The following DEPDC5 variants were observed in gnomAD, a reference collection of about 807,000 sequenced individuals.
DEPDC5 encodes the protein DEP domain containing 5, GATOR1 subcomplex subunit, also known as GATOR1 complex protein DEPDC5.
A neutral mutation model predicts 217.3 loss-of-function variants in DEPDC5; 73 were observed. That is an observed-to-expected ratio of 0.34 (90% confidence interval 0.28 to 0.41). DEPDC5 has a LOEUF of 0.41. Among genes scored for constraint, DEPDC5 ranks in the 10% least tolerant of loss-of-function variants. The probability of loss-of-function intolerance (pLI) is 1.00; values close to 1 mark genes in which losing one functional copy is unlikely to be tolerated. For missense variants in DEPDC5, 1,675 were observed against 2,070.1 expected, an observed-to-expected ratio of 0.81 and a Z score of 3.70; for synonymous variants, 733 against 756.7, an observed-to-expected ratio of 0.97 and a Z score of 0.51.
chr22:31,893,883 T>A, intron 39 of DEPDC5, 132 bp downstream of exon 39: 2 of 1,045,582 alleles, frequency 1.9e-6, no homozygotes, highest in Non-Finnish European at 2.6e-6. Flanking sequence ...ACTATTGGAG[T>A]AACCTTTTTA....
intron 40 of DEPDC5, among the ~76,000 whole-genome samples, chr22:31,898,987 G>A (rs2093602232): frequency 6.6e-6 from 1 of 152,200 alleles, no homozygotes; most frequent in Non-Finnish European, 1.5e-5. Context: ...GCAGCTCCTG[G>A]TACTATTGTT....
rs774327591 is a variant in DEPDC5, at chr22:31,906,243, T to G, written c.4558T>G (p.Phe1520Val). ...GCAGCTGCCCTACTCCAAGCGCAAG[T>G]TCTCAGGGCAGCAGCGGCGGCGGCG... ...FLQLPYSKRK[F>V]SGQQRRRRNS... The change falls in exon 43 of 43, where the codon TTC becomes GTC. Residue 1520 changes from phenylalanine to valine, a missense_variant. Phe to Val is a conservative substitution (Grantham distance 50). Around this residue, in one of 11 missense-constraint regions of DEPDC5, gnomAD observed 182 missense variants for 290.1 expected, o/e 0.63. Coordinates refer to ENST00000651528, the MANE Select transcript of DEPDC5 (RefSeq NM_001242896.3). This position sits in a 1 kb window ranked among gnomAD's most constrained non-coding sequence, Gnocchi z 5.1. The G allele has an allele frequency of 6.2e-7, 1 of 1,613,828 alleles. No individual in the cohort carries two copies. Among genetic ancestry groups the G allele is most frequent in the Admixed American group, 1.7e-5 (1 of 60,002 alleles).
At chr22:31,805,419 T>C (rs2087395408) in intron 17 of DEPDC5, among the ~76,000 whole-genome samples, 1 of 152,100 alleles carries the variant, frequency 6.6e-6, no homozygotes, top group Non-Finnish European at 1.5e-5. Context: ...TATGAATTCC[T>C]CCTGTGCTGC....
chr22:31,788,325 G>C (rs1248351802), intron 10 of DEPDC5, among the ~76,000 whole-genome samples: 1 of 138,756 alleles, frequency 7.2e-6, no homozygotes, highest in East Asian at 2.1e-4. Flanking sequence ...CCAGGCTAGA[G>C]TGCAGTGGCG....
At chr22:31,833,222 T>A (rs1033961437) in intron 24 of DEPDC5, among the ~76,000 whole-genome samples, 5 of 152,218 alleles carry the variant, frequency 3.3e-5, no homozygotes, top group African/African-American at 1.2e-4. Flanking sequence ...GATAAATATA[T>A]GTTTTGAAAG....
intron 35 of DEPDC5, 99 bp from the exon 36 acceptor site, chr22:31,874,174 A>C: frequency 1.3e-6 from 2 of 1,493,580 alleles, no homozygotes; most frequent in Non-Finnish European, 1.8e-6. Flanking sequence ...TATGGTATTA[A>C]ATGCTCTAGT....
At chr22:31,761,967 C>CAAAAAA (rs776677814) in intron 4 of DEPDC5, among the ~76,000 whole-genome samples, 1 of 61,352 alleles carries the variant, frequency 1.6e-5, no homozygotes, top group Non-Finnish European at 3.8e-5. Context: ...GACTCCGGCT[C>CAAAAAA]AAAAAAAAAA....
intron 3 of DEPDC5, among the ~76,000 whole-genome samples, chr22:31,760,440 G>A (rs1200907969): frequency 5.3e-5 from 8 of 151,128 alleles, no homozygotes; most frequent in African/African-American, 1.7e-4. Flanking sequence ...TCCTGACCTC[G>A]TGGTCCACCT....
intron 3 of DEPDC5, among the ~76,000 whole-genome samples, chr22:31,759,365 T>G (rs549270169): frequency 1.8e-5 from 2 of 111,992 alleles, no homozygotes; most frequent in African/African-American, 6.3e-5. Context: ...GTTTTTTTTG[T>G]TTTTTTTGTT....
intron 38 of DEPDC5, among the ~76,000 whole-genome samples, chr22:31,892,466 C>T (rs1421052231): frequency 2.6e-5 from 4 of 152,032 alleles, no homozygotes; most frequent in East Asian, 1.9e-4. Flanking sequence ...GGTGGAGCAC[C>T]GGCGGTCAGG....
chr22:31,841,947 T>G (rs1259535871), intron 27 of DEPDC5, among the ~76,000 whole-genome samples: 1 of 152,246 alleles, frequency 6.6e-6, no homozygotes, highest in Non-Finnish European at 1.5e-5. Flanking sequence ...GGCTTGGTTG[T>G]TCTTTGAGGC....
chr22:31,837,352 C>G, intron 26 of DEPDC5, 197 bp downstream of exon 26: 1 of 544,510 alleles, frequency 1.8e-6, no homozygotes. Flanking sequence ...TTTTTTTTTC[C>G]TTTTTTTTTT....
chr22:31,822,710 A>G lies in DEPDC5; in HGVS notation c.2024A>G (p.Gln675Arg). Residue 675 changes from glutamine (Q) to arginine (R), a missense_variant, in exon 24 of 43, where the codon CAG (glutamine) becomes CGG (arginine). Gln to Arg is a conservative substitution (Grantham distance 43, BLOSUM62 1). Coordinates refer to ENST00000651528, the MANE Select transcript of DEPDC5 (RefSeq NM_001242896.3). ...EAAGRHSNSR[Q>R]PGDGMSFLNF... is the part of the protein sequence containing the mutation. ...CTCTGCAGGCACAGCAATTCCCGCC[A>G]GCCTGGTGACGGCATGTCCTTCTTG... 6.2e-7 allele frequency: 1 copy of G among 1,614,180 alleles called. No homozygotes were observed. Among genetic ancestry groups the G allele is most frequent in the African/African-American group, 1.3e-5 (1 of 75,070 alleles).
Position 31,819,236 on chromosome 22 carries a change from T to C in DEPDC5, c.1870+11T>C, listed in dbSNP as rs2089449341. On this transcript the variant is annotated intron_variant, in intron 22 of 42. Transcript: ENST00000651528. ...ACACTTTTCCTGTGGGTAAGTTGGT[T>C]GCTTAAGAGAGAGCCTTGGACTAGG... 6.2e-7 allele frequency: 1 copy of C among 1,613,996 alleles called. No homozygotes were observed. Among genetic ancestry groups the C allele is most frequent in the Admixed American group, 1.7e-5 (1 of 60,012 alleles).
intron 27 of DEPDC5, 139 bp from the exon 28 acceptor site, chr22:31,842,956 C>A (rs1355146983): frequency 3.9e-5 from 26 of 669,446 alleles, no homozygotes; most frequent in African/African-American, 1.9e-5. Flanking sequence ...TTTTTTTTAA[C>A]CAAGAATAAC....
chr22:31,819,949 A>T (rs146251704), intron 22 of DEPDC5, among the ~76,000 whole-genome samples: 40 of 152,010 alleles, frequency 2.6e-4, no homozygotes, highest in African/African-American at 8.7e-4. Flanking sequence ...CTGAAAAAAA[A>T]TTTTCCCCTG....
intron 5 of DEPDC5, among the ~76,000 whole-genome samples, chr22:31,765,620 G>A (rs1300580898): frequency 1.3e-5 from 2 of 152,200 alleles, no homozygotes; most frequent in African/African-American, 4.8e-5. Context: ...TTAGCTGGGT[G>A]TGTTGTATAT....
chr22:31,841,275 A>G (rs961399741), intron 27 of DEPDC5, among the ~76,000 whole-genome samples: 1 of 152,222 alleles, frequency 6.6e-6, no homozygotes, highest in Non-Finnish European at 1.5e-5. Flanking sequence ...TTCCACATTC[A>G]CAGTGAATAT....
At chr22:31,796,850 C>T (rs563113675) in intron 12 of DEPDC5, among the ~76,000 whole-genome samples, 9 of 152,084 alleles carry the variant, frequency 5.9e-5, no homozygotes, top group Admixed American at 5.2e-4. Flanking sequence ...GTGCCTGCCA[C>T]CACACCCAGC....
Sources: gnomAD v4.1 joint callset for allele counts (sites outside exome capture counted in the v4.1 genomes callset) on GRCh38, gnomAD v4.1.1 for gene constraint, gnomAD v4.1.1 regional missense constraint, Gnocchi (gnomAD v3.1) non-coding constraint, MANE v1.5 for transcripts, NCBI Gene and HGNC (gene_info 2026-07-23, HGNC 2026-07-21) for gene names.